MED13L: variants seen among roughly 807,000 people sequenced by gnomAD.
MED13L encodes the protein mediator complex subunit 13L, also known as mediator of RNA polymerase II transcription subunit 13-like.
A neutral mutation model predicts 220.9 loss-of-function variants in MED13L; 7 were observed. The observed-to-expected ratio is 0.03, with a 90% confidence interval of 0.02 to 0.06. The LOEUF is 0.06. Among genes scored for constraint, MED13L ranks in the 10% least tolerant of loss-of-function variants. MED13L has a pLI of 1.00. For missense variants in MED13L, 1,965 were observed against 2,760.5 expected (o/e 0.71, Z 6.46); for synonymous variants, 1,011 against 1,015.2 (o/e 1.00, Z 0.08).
chr12:116,246,357 G>A (rs1871097220), intron 1 of MED13L, among the ~76,000 whole-genome samples: 1 of 151,976 alleles, frequency 6.6e-6, no homozygotes, highest in African/African-American at 2.4e-5. Flanking sequence ...ATGACTCCAG[G>A]ATGCCAACTA....
At chr12:116,133,990 T>C (rs1256972098) in intron 2 of MED13L, among the ~76,000 whole-genome samples, 2 of 152,192 alleles carry the variant, frequency 1.3e-5, no homozygotes, top group African/African-American at 4.8e-5. Flanking sequence ...GACTGCAGTC[T>C]TGGAGCCCTT....
chr12:115,996,609 T>A lies in MED13L; in HGVS notation c.2863A>T (p.Met955Leu). The change falls in exon 16 of 31, where the codon ATG becomes TTG. Residue 955 changes from methionine (M) to leucine (L), a missense_variant. This residue lies in a region of MED13L where 233 missense variants were observed against 306.2 expected (regional missense o/e 0.76). Transcript: ENST00000281928. ...GGTAGCAAACAATGGCTCGGCAACA[T>A]CTTCAGTGGAGCAAACATGGAGGAT... ...VGSSMFAPLK[M>L]LPSHCLLPLK... 6.2e-7 allele frequency: 1 copy of A among 1,613,968 alleles called. No homozygotes were observed. The highest frequency in any genetic ancestry group is 8.5e-7 in the Non-Finnish European group (1 of 1,179,954).
chr12:115,992,657 A>G (rs1196954676), intron 16 of MED13L, among the ~76,000 whole-genome samples: 2 of 152,194 alleles, frequency 1.3e-5, no homozygotes, highest in African/African-American at 4.8e-5. Flanking sequence ...CCTCAGTATT[A>G]ATTAGGTGGT....
chr12:116,070,363 G>C (rs1870273115), intron 4 of MED13L, among the ~76,000 whole-genome samples: 1 of 152,088 alleles, frequency 6.6e-6, no homozygotes. Flanking sequence ...GATTAAATGA[G>C]GTATTTAATC....
At chr12:116,027,726 A>G (rs1389718089) in intron 4 of MED13L, among the ~76,000 whole-genome samples, 1 of 152,166 alleles carries the variant, frequency 6.6e-6, no homozygotes, top group East Asian at 1.9e-4. Flanking sequence ...GTAATCCAAC[A>G]TACAAGTTAC....
intron 1 of MED13L, among the ~76,000 whole-genome samples, chr12:116,270,404 C>A (rs1166847266): frequency 1.3e-5 from 2 of 152,026 alleles, no homozygotes; most frequent in South Asian, 2.1e-4. Flanking sequence ...GGCCTCCCCG[C>A]AAAGTGATGG....
At chr12:115,980,716 A>T (rs1160928675) in intron 23 of MED13L, 34 bp downstream of exon 23, 2 of 1,609,888 alleles carry the variant, frequency 1.2e-6, no homozygotes, top group Admixed American at 3.3e-5. Flanking sequence ...ATTTTAGTAT[A>T]AATTTTCTAA....
intron 30 of MED13L, among the ~76,000 whole-genome samples, chr12:115,962,256 TG>T (rs1032689135): frequency 5.3e-5 from 8 of 152,174 alleles, no homozygotes; most frequent in Non-Finnish European, 1.2e-4. Context: ...TTCCACGTGG[TG>T]GGGGATGGTT....
chr12:116,246,743 A>C (rs1383564651), intron 1 of MED13L, among the ~76,000 whole-genome samples: 1 of 114,844 alleles, frequency 8.7e-6, no homozygotes, highest in East Asian at 2.9e-4. Context: ...CTAAGGAGTT[A>C]GAGGTGGTGG....
At chr12:116,113,896 G>A (rs983565606) in intron 2 of MED13L, among the ~76,000 whole-genome samples, 1 of 150,838 alleles carries the variant, frequency 6.6e-6, no homozygotes, top group African/African-American at 2.4e-5. Flanking sequence ...GATCAAGAAG[G>A]GAGAAGAAAA....
chr12:116,091,710 T>C (rs1017545465), intron 4 of MED13L, among the ~76,000 whole-genome samples: 26 of 152,230 alleles, frequency 1.7e-4, no homozygotes, highest in African/African-American at 6.3e-4. Flanking sequence ...ATTTCACCAC[T>C]TGAAACTGCC....
chr12:116,132,988 G>A (rs1016041847), intron 2 of MED13L, among the ~76,000 whole-genome samples: 5 of 152,008 alleles, frequency 3.3e-5, no homozygotes, highest in South Asian at 2.1e-4. Flanking sequence ...GGAATGAAAC[G>A]GTATCACTTG....
chr12:116,045,868 T>C (rs1881801273), intron 4 of MED13L, among the ~76,000 whole-genome samples: 1 of 151,774 alleles, frequency 6.6e-6, no homozygotes, highest in African/African-American at 2.4e-5. Flanking sequence ...ACAAGACATA[T>C]TTTAGGTAGA....
intron 1 of MED13L, chr12:116,276,568 T>C (rs899371570): frequency 4.2e-5 from 52 of 1,234,414 alleles, no homozygotes; most frequent in South Asian, 1.1e-4. Context: ...CAATCAACTA[T>C]TTTAGGGCGA....
chr12:116,067,840 C>T (rs917586954), intron 4 of MED13L, among the ~76,000 whole-genome samples: 43 of 152,078 alleles, frequency 2.8e-4, no homozygotes, highest in African/African-American at 9.7e-4. Context: ...AGCGCATATA[C>T]GAAGCTTGCA....
intron 2 of MED13L, among the ~76,000 whole-genome samples, chr12:116,115,956 C>T (rs765388326): frequency 2.4e-4 from 37 of 152,252 alleles, no homozygotes; most frequent in Non-Finnish European, 4.3e-4. Context: ...TTGCCTTTGG[C>T]GATATTTTGT....
chr12:116,177,051 CA>C (rs1466196741), intron 2 of MED13L, among the ~76,000 whole-genome samples: 1 of 151,842 alleles, frequency 6.6e-6, no homozygotes, highest in African/African-American at 2.4e-5. Flanking sequence ...TCTAAGTATC[CA>C]AAAACACACA....
At chr12:116,221,520 C>CTA (rs1868438498) in intron 2 of MED13L, among the ~76,000 whole-genome samples, 1 of 152,138 alleles carries the variant, frequency 6.6e-6, no homozygotes, top group Non-Finnish European at 1.5e-5. Flanking sequence ...TACCTATGAA[C>CTA]TAACCATAAA....
At chr12:116,263,474 T>C (rs1051787424) in intron 1 of MED13L, among the ~76,000 whole-genome samples, 1 of 152,166 alleles carries the variant, frequency 6.6e-6, no homozygotes, top group Non-Finnish European at 1.5e-5. Context: ...CCTCCCACAC[T>C]AACTATTCAG....
Sources: gnomAD v4.1 joint callset for allele counts (sites outside exome capture counted in the v4.1 genomes callset) on GRCh38, gnomAD v4.1.1 for gene constraint, gnomAD v4.1.1 regional missense constraint, MANE v1.5 for transcripts, NCBI Gene and HGNC (gene_info 2026-07-23, HGNC 2026-07-21) for gene names.